TBC1D8B: variants seen among roughly 807,000 people sequenced by gnomAD.
TBC1D8B encodes TBC1 domain family member 8B, also known as RP11-321G1.1.
TBC1D8B carries 75 observed loss-of-function variants against 82.9 expected under a neutral mutation model. The ratio of observed to expected loss-of-function variants is 0.90; its 90% CI spans 0.75 to 1.10. The LOEUF (loss-of-function observed/expected upper bound fraction) is 1.10. Ranked by LOEUF, TBC1D8B falls within the 50% of genes least tolerant of loss-of-function variation. TBC1D8B has a pLI of 0.00. For missense variants in TBC1D8B, 794 were observed against 796.9 expected, an observed-to-expected ratio of 1.00 and a Z score of 0.04; for synonymous variants, 276 against 276.8, an observed-to-expected ratio of 1.00 and a Z score of 0.03.
chrX:106,803,301 G>T (rs1469304331), intron 1 of TBC1D8B, among the ~76,000 whole-genome samples: 4 of 111,620 alleles, frequency 3.6e-5, no homozygotes, highest in Non-Finnish European at 7.5e-5. Flanking sequence ...GACCTAGACA[G>T]GTCGCATTTA....
chrX:106,856,699 A>G (rs1932704628), intron 14 of TBC1D8B, among the ~76,000 whole-genome samples: 1 of 111,456 alleles, frequency 9.0e-6, no homozygotes, highest in Non-Finnish European at 1.9e-5. Flanking sequence ...TTCAATTACC[A>G]TAGTTTGTCT....
intron 15 of TBC1D8B, 63 bp downstream of exon 15, chrX:106,865,690 A>T (rs1932809511): frequency 9.1e-7 from 1 of 1,095,640 alleles, no homozygotes; most frequent in African/African-American, 1.9e-5. Flanking sequence ...TATCACAGCC[A>T]TTCTAATTAT....
In TBC1D8B at chrX:106,848,243, T is replaced by C; in HGVS notation, c.1777T>C (p.Trp593Arg). 1 of 1,198,830 alleles carries C rather than the reference T, an allele frequency of 8.3e-7. No homozygotes were observed. The highest frequency in any genetic ancestry group is 1.1e-6 in the Non-Finnish European group (1 of 887,205). ...ATATGCAAAAGAGGAAGAAGCTTTT[T>C]GGCTTCTGGTTGCTGTATGTGAACG... is the stretch of plus-strand genomic sequence containing the variant. ...LLYAKEEEAF[W>R]LLVAVCERML... Residue 593 changes from tryptophan to arginine, a missense_variant, in exon 11 of 21, where the codon TGG (tryptophan) becomes CGG (arginine). By Grantham distance (101) the Trp-to-Arg change is moderately radical (BLOSUM62 -3). Transcript: ENST00000357242.
intron 20 of TBC1D8B, among the ~76,000 whole-genome samples, chrX:106,872,182 G>A (rs1397192288): frequency 1.8e-5 from 2 of 108,705 alleles, no homozygotes; most frequent in African/African-American, 3.4e-5. Context: ...CCTGGGAGGT[G>A]GTGGTTGCAG....
intron 7 of TBC1D8B, among the ~76,000 whole-genome samples, chrX:106,834,119 T>C (rs753129769): frequency 9.0e-6 from 1 of 111,256 alleles, no homozygotes; most frequent in Non-Finnish European, 1.9e-5. Flanking sequence ...ACTCATCTGT[T>C]CTCACGCTGC....
chrX:106,852,177 A>AT (rs1167444848), intron 12 of TBC1D8B, among the ~76,000 whole-genome samples: 1 of 102,823 alleles, frequency 9.7e-6, no homozygotes, highest in South Asian at 4.7e-4. Flanking sequence ...GATGATGAGC[A>AT]TTTTTTCATG....
At chrX:106,846,095 CTTTTTTTTTTT>C (rs763406306) in intron 10 of TBC1D8B, among the ~76,000 whole-genome samples, 5 of 72,247 alleles carry the variant, frequency 6.9e-5, no homozygotes, top group Non-Finnish European at 1.3e-4. Context: ...CTCTCTCTCT[CTTTTTTTTTTT>C]TTTTTTTTTT....
intron 14 of TBC1D8B, among the ~76,000 whole-genome samples, chrX:106,856,829 C>A (rs969773245): frequency 1.8e-5 from 2 of 111,307 alleles, no homozygotes; most frequent in Non-Finnish European, 3.8e-5. Context: ...GTTTATTCTA[C>A]CCCTATATAT....
At chrX:106,839,064 T>C (rs1932240571) in intron 7 of TBC1D8B, among the ~76,000 whole-genome samples, 1 of 111,756 alleles carries the variant, frequency 8.9e-6, no homozygotes, top group Non-Finnish European at 1.9e-5. Context: ...ATGGTTTATT[T>C]TGAATGTTTT....
chrX:106,858,225 C>T (rs1932735295), intron 14 of TBC1D8B, among the ~76,000 whole-genome samples: 1 of 111,659 alleles, frequency 9.0e-6, no homozygotes, highest in Non-Finnish European at 1.9e-5. Flanking sequence ...AGTGTCTGTC[C>T]ATGTCCTTTG....
intron 14 of TBC1D8B, among the ~76,000 whole-genome samples, chrX:106,860,340 GGTGTGTGTGTGTGTGT>G (rs3078333): frequency 4.8e-5 from 4 of 82,788 alleles, no homozygotes; most frequent in East Asian, 4.1e-4. Flanking sequence ...TTTTATGATT[GGTGTGTGTGTGTGTGT>G]GTGTGTGTGT....
At chrX:106,865,762 G>A (rs781077087) in intron 15 of TBC1D8B, 31 bp from the exon 16 acceptor site, 79 of 1,146,151 alleles carry the variant, frequency 6.9e-5, no homozygotes, top group Non-Finnish European at 9.0e-5. Flanking sequence ...TTTCTAATTA[G>A]TAACTTTCCT....
At chrX:106,859,357 A>G (rs943343485) in intron 14 of TBC1D8B, among the ~76,000 whole-genome samples, 1 of 111,300 alleles carries the variant, frequency 9.0e-6, no homozygotes, top group South Asian at 3.8e-4. Context: ...AATGTTTTTC[A>G]TTTGCTTGTG....
chrX:106,871,333 A>G (rs1602441089), intron 20 of TBC1D8B, among the ~76,000 whole-genome samples: 1 of 111,708 alleles, frequency 9.0e-6, no homozygotes, highest in South Asian at 3.9e-4. Context: ...CCAAAATGAA[A>G]ACTATCAAAT....
In TBC1D8B at chrX:106,854,278, A is replaced by C. The variant is rs1932651575; in HGVS notation, c.2334A>C (p.Glu778Asp). The change falls in exon 14 of 21, where the codon GAA becomes GAC. Residue 778 changes from glutamate to aspartate, a missense_variant. Transcript: ENST00000357242. ...TGTATGTGATACAGACCCTAGAGGAAACAACAAAACAGAATGTGGTAAGTA... is the reference window on the plus strand; with the variant it reads ...TGTATGTGATACAGACCCTAGAGGACACAACAAAACAGAATGTGGTAAGTA... ...NRLYVIQTLE[E>D]TTKQNVLRVV... The C allele has an allele frequency of 8.5e-7, 1 of 1,176,149 alleles. No individual in the cohort carries two copies. Among genetic ancestry groups the C allele is most frequent in the Non-Finnish European group, 1.1e-6 (1 of 879,473 alleles).
intron 20 of TBC1D8B, 127 bp downstream of exon 20, chrX:106,870,940 T>C: frequency 4.7e-6 from 2 of 422,121 alleles, no homozygotes; most frequent in Non-Finnish European, 7.9e-6. Context: ...CTCTCTAAGT[T>C]TCAGATGAGC....
At chrX:106,836,573 GTCTTT>G (rs1932181171) in intron 7 of TBC1D8B, among the ~76,000 whole-genome samples, 1 of 106,388 alleles carries the variant, frequency 9.4e-6, no homozygotes, top group South Asian at 3.9e-4. Context: ...ACTTAAGTGA[GTCTTT>G]TCTTCTTTTT....
intron 20 of TBC1D8B, among the ~76,000 whole-genome samples, chrX:106,872,726 G>A (rs1161225622): frequency 9.1e-6 from 1 of 110,237 alleles, no homozygotes; most frequent in Non-Finnish European, 1.9e-5. Context: ...TGAGTGCTTT[G>A]GGAGGCCAAA....
At chrX:106,838,671 C>G (rs756822073) in intron 7 of TBC1D8B, among the ~76,000 whole-genome samples, 6 of 112,053 alleles carry the variant, frequency 5.4e-5, no homozygotes, top group African/African-American at 1.6e-4. Flanking sequence ...CTTGTTTGCT[C>G]TAGCTGAAAT....
Sources: gnomAD v4.1 joint callset for allele counts (sites outside exome capture counted in the v4.1 genomes callset) on GRCh38, gnomAD v4.1.1 for gene constraint, MANE v1.5 for transcripts, NCBI Gene and HGNC (gene_info 2026-07-23, HGNC 2026-07-21) for gene names.